ARHGAP15: variants seen among roughly 807,000 people sequenced by gnomAD.
The protein encoded by ARHGAP15 is rho GTPase-activating protein 15.
ARHGAP15 carries 51 observed loss-of-function variants against 63.7 expected under a neutral mutation model. That is an observed-to-expected ratio of 0.80 (90% CI 0.64 to 1.01). The LOEUF (loss-of-function observed/expected upper bound fraction) is 1.01, where lower values mean the gene tolerates loss of function less well. ARHGAP15 is among the 50% of genes least tolerant of loss of function. The pLI is 0.00. For missense variants in ARHGAP15, 560 were observed against 564.6 expected (o/e 0.99, Z 0.08); for synonymous variants, 191 against 193.8 (o/e 0.99, Z 0.12).
chr2:143,199,505 G>T (rs780745084), intron 2 of ARHGAP15, among the ~76,000 whole-genome samples: 2 of 151,886 alleles, frequency 1.3e-5, no homozygotes, highest in Admixed American at 6.6e-5. Context: ...GTGATTCAGC[G>T]CCCAAACTCC....
intron 6 of ARHGAP15, among the ~76,000 whole-genome samples, chr2:143,288,040 A>G (rs894387509): frequency 6.6e-6 from 1 of 152,202 alleles, no homozygotes; most frequent in Non-Finnish European, 1.5e-5. Flanking sequence ...TTCAGAACTC[A>G]TACACCTTGG....
At chr2:143,420,209 G>A (rs1475774463) in intron 6 of ARHGAP15, among the ~76,000 whole-genome samples, 1 of 152,158 alleles carries the variant, frequency 6.6e-6, no homozygotes, top group African/African-American at 2.4e-5. Flanking sequence ...ACACAGCAAT[G>A]ATAATGGGCT....
intron 6 of ARHGAP15, among the ~76,000 whole-genome samples, chr2:143,433,467 A>G (rs973220604): frequency 6.6e-6 from 1 of 152,096 alleles, no homozygotes; most frequent in Admixed American, 6.6e-5. Context: ...AGCTTCTCAA[A>G]ATGAATTCGT....
intron 12 of ARHGAP15, among the ~76,000 whole-genome samples, chr2:143,641,940 T>G (rs1418060477): frequency 1.3e-5 from 2 of 152,032 alleles, no homozygotes; most frequent in Non-Finnish European, 2.9e-5. Flanking sequence ...TACTGAAAAA[T>G]GTAGAAGTAT....
At chr2:143,172,783 C>T (rs929634975) in intron 2 of ARHGAP15, among the ~76,000 whole-genome samples, 5 of 151,838 alleles carry the variant, frequency 3.3e-5, no homozygotes, top group African/African-American at 1.2e-4. Flanking sequence ...CAGTGCACAC[C>T]GAAGTGAAAG....
chr2:143,567,074 G>A (rs1484575976), intron 11 of ARHGAP15, among the ~76,000 whole-genome samples: 17 of 151,848 alleles, frequency 1.1e-4, no homozygotes, highest in Non-Finnish European at 2.2e-4. Context: ...AAGGGGTTTT[G>A]CCGTGTTAGC....
chr2:143,429,909 C>T (rs1053350399), intron 6 of ARHGAP15, among the ~76,000 whole-genome samples: 1 of 152,108 alleles, frequency 6.6e-6, no homozygotes. Context: ...ATAAAGGGAG[C>T]TTTACTGCTC....
chr2:143,568,627 T>C (rs952636558), intron 11 of ARHGAP15, among the ~76,000 whole-genome samples: 1 of 152,194 alleles, frequency 6.6e-6, no homozygotes, highest in Non-Finnish European at 1.5e-5. Flanking sequence ...GATCTAGAAC[T>C]AGAAATACCA....
chr2:143,739,820 T>C (rs1217701944), intron 13 of ARHGAP15, among the ~76,000 whole-genome samples: 2 of 152,214 alleles, frequency 1.3e-5, no homozygotes, highest in Non-Finnish European at 2.9e-5. Flanking sequence ...TAATTTAAAA[T>C]GCAAACTATG....
intron 11 of ARHGAP15, among the ~76,000 whole-genome samples, chr2:143,584,207 T>G (rs1697019015): frequency 6.6e-6 from 1 of 152,190 alleles, no homozygotes; most frequent in African/African-American, 2.4e-5. Flanking sequence ...AAGACCAATC[T>G]TCTTTGATAT....
At chr2:143,437,076 TTGTCTAAATGCAG>T (rs745753301) in intron 8 of ARHGAP15, 34 bp downstream of exon 8, 7 of 1,581,288 alleles carry the variant, frequency 4.4e-6, no homozygotes, top group Admixed American at 4.0e-5. Flanking sequence ...CATTTTAAGT[TTGTCTAAATGCAG>T]TGCTTATGAA....
chr2:143,237,865 T>C (rs1339635925), intron 5 of ARHGAP15: 1 of 152,222 alleles, frequency 6.6e-6, no homozygotes, highest in Non-Finnish European at 1.5e-5. Flanking sequence ...AGGGACTTTT[T>C]TGTTACTCTT....
chr2:143,721,002 C>A (rs1463807089), intron 13 of ARHGAP15, among the ~76,000 whole-genome samples: 1 of 138,058 alleles, frequency 7.2e-6, no homozygotes, highest in Non-Finnish European at 1.5e-5. Flanking sequence ...GGAGGTGGAG[C>A]TTGCAGTGAG....
chr2:143,598,354 A>G (rs1283786032), intron 11 of ARHGAP15, among the ~76,000 whole-genome samples: 3 of 152,214 alleles, frequency 2.0e-5, no homozygotes, highest in African/African-American at 7.2e-5. Flanking sequence ...ATCAAAGTTA[A>G]AAACTTCAAA....
At chr2:143,617,454 CCTCCT>C (rs1305027325) in intron 11 of ARHGAP15, among the ~76,000 whole-genome samples, 1 of 152,138 alleles carries the variant, frequency 6.6e-6, no homozygotes, top group Non-Finnish European at 1.5e-5. Flanking sequence ...CCTAAGGCTC[CCTCCT>C]TGGTGTATAG....
intron 6 of ARHGAP15, among the ~76,000 whole-genome samples, chr2:143,321,993 A>G (rs530333130): frequency 7.9e-5 from 12 of 152,224 alleles, no homozygotes; most frequent in Non-Finnish European, 1.6e-4. Context: ...AAGTAGATAC[A>G]AGCTCTAATA....
chr2:143,339,587 C>T (rs1157045396), intron 6 of ARHGAP15, among the ~76,000 whole-genome samples: 1 of 152,084 alleles, frequency 6.6e-6, no homozygotes, highest in Non-Finnish European at 1.5e-5. Context: ...ACTCTATTGG[C>T]AGCGAGGCCA....
chr2:143,284,614 C>T (rs753557946), intron 6 of ARHGAP15, among the ~76,000 whole-genome samples: 12 of 152,152 alleles, frequency 7.9e-5, no homozygotes, highest in African/African-American at 1.2e-4. Context: ...CGTTCCAGTG[C>T]GTCACAAGAC....
At position 143,624,403 on chromosome 2, in the gene ARHGAP15, G is replaced by A. The variant is rs961913969; in HGVS notation, c.1138+136G>A. On this transcript the variant is annotated intron_variant, in intron 12 of 13. Coordinates refer to ENST00000295095, the MANE Select transcript of ARHGAP15 (RefSeq NM_018460.4). ...CCGATGCTCCATATCTTACGTTTTC[G>A]TTTTTGTGTTTTGATGGCTTGTTTT... 7 of 1,031,344 alleles carry A rather than the reference G, an allele frequency of 6.8e-6. No homozygotes were observed. In the East Asian group the frequency reaches 8.6e-5, roughly 13 times the overall value. The allele number at this position is 1,031,344 out of a possible 1,614,324, so 63.9% of individuals were successfully genotyped here.
Sources: gnomAD v4.1 joint callset for allele counts (sites outside exome capture counted in the v4.1 genomes callset) on GRCh38, gnomAD v4.1.1 for gene constraint, MANE v1.5 for transcripts, NCBI Gene and HGNC (gene_info 2026-07-23, HGNC 2026-07-21) for gene names.